Variants in SLC3A1 observed in about 807,000 individuals in gnomAD.
SLC3A1 encodes the protein solute carrier family 3 member 1, also known as amino acid transporter heavy chain SLC3A1.
A neutral mutation model predicts 60.3 loss-of-function variants in SLC3A1; 78 were observed. The ratio of observed to expected loss-of-function variants is 1.29; its 90% CI spans 1.08 to 1.56. The LOEUF is 1.56. Ranked by LOEUF, SLC3A1 falls within the 40% of genes most tolerant of loss-of-function variation. SLC3A1 has a pLI of 0.00. For missense variants in SLC3A1, 1,172 were observed against 858.9 expected (o/e 1.36, Z -4.56); for synonymous variants, 392 against 307.9 (o/e 1.27, Z -2.86).
chr2:44,322,004 T>C (rs182710656), downstream of SLC3A1: 15 of 1,213,278 alleles, frequency 1.2e-5, no homozygotes, highest in East Asian at 2.7e-4. Context: ...GTTCAAATAA[T>C]AGTAAAGGAA....
At chr2:44,292,731 G>T (rs1009494032) in intron 4 of SLC3A1, among the ~76,000 whole-genome samples, 1 of 152,054 alleles carries the variant, frequency 6.6e-6, no homozygotes, top group South Asian at 2.1e-4. Flanking sequence ...TGACACATTA[G>T]AGGTGCTGGG....
At chr2:44,299,496 A>G (rs1671948558) in intron 4 of SLC3A1, among the ~76,000 whole-genome samples, 1 of 152,146 alleles carries the variant, frequency 6.6e-6, no homozygotes, top group Admixed American at 6.5e-5. Flanking sequence ...GAGATCCTTT[A>G]ATATCTAAGC....
At position 44,275,923 on chromosome 2, in the gene SLC3A1, T is replaced by C; in HGVS notation, c.388T>C (p.Ser130Pro). The change falls in exon 1 of 10, where the codon TCT becomes CCT. Residue 130 changes from serine (S) to proline (P), a missense_variant. Coordinates refer to ENST00000260649, the MANE Select transcript of SLC3A1 (RefSeq NM_000341.4). ...EGPMYQIYPR[S>P]FKDSNKDGNG... Reference sequence around the variant, plus strand: ...GCCCATGTACCAGATCTACCCAAGGTCTTTCAAGGACAGTAACAAGGATGG... The same window carrying C: ...GCCCATGTACCAGATCTACCCAAGGCCTTTCAAGGACAGTAACAAGGATGG... 1.9e-6 allele frequency: 3 copies of C among 1,614,192 alleles called. No homozygotes were observed. Among genetic ancestry groups the C allele is most frequent in the Non-Finnish European group, 2.5e-6 (3 of 1,180,036 alleles).
chr2:44,307,305 T>G (rs1487908621), intron 7 of SLC3A1, among the ~76,000 whole-genome samples: 1 of 152,214 alleles, frequency 6.6e-6, no homozygotes, highest in Non-Finnish European at 1.5e-5. Context: ...GACATTTGTG[T>G]ACAAGTTTTT....
chr2:44,302,265 T>C (rs1672031714), intron 6 of SLC3A1, among the ~76,000 whole-genome samples: 1 of 152,102 alleles, frequency 6.6e-6, no homozygotes, highest in South Asian at 2.1e-4. Context: ...AGTTGTCTCA[T>C]CAATAAAAAA....
chr2:44,304,457 A>G (rs750025300), intron 7 of SLC3A1, 119 bp downstream of exon 7: 3 of 818,618 alleles, frequency 3.7e-6, no homozygotes, highest in Non-Finnish European at 6.2e-6. Flanking sequence ...TTATTTGGTG[A>G]TTGTTCAGTG....
At chr2:44,293,009 T>G (rs1671772816) in intron 4 of SLC3A1, among the ~76,000 whole-genome samples, 1 of 152,102 alleles carries the variant, frequency 6.6e-6, no homozygotes, top group African/African-American at 2.4e-5. Context: ...GAAATTCTGG[T>G]GGCTTTAGGC....
intron 7 of SLC3A1, among the ~76,000 whole-genome samples, chr2:44,305,664 G>T (rs1178780083): frequency 2.0e-5 from 3 of 151,918 alleles, no homozygotes; most frequent in Non-Finnish European, 4.4e-5. Flanking sequence ...CTGACCTCGT[G>T]ATCCACCCCC....
chr2:44,321,649 A>G (rs561499225), downstream of SLC3A1: 3 of 1,516,696 alleles, frequency 2.0e-6, no homozygotes, highest in East Asian at 2.4e-5. Flanking sequence ...TATCAAGTAC[A>G]AGAGAGAGAC....
At chr2:44,280,035 C>T (rs981733311) in intron 1 of SLC3A1, among the ~76,000 whole-genome samples, 15 of 152,086 alleles carry the variant, frequency 9.9e-5, no homozygotes, top group Admixed American at 2.6e-4. Context: ...ACCACATGAC[C>T]GACAGGGGCC....
At chr2:44,308,538 TTTTG>T in intron 7 of SLC3A1, among the ~76,000 whole-genome samples, 1 of 152,304 alleles carries the variant, frequency 6.6e-6, no homozygotes, top group East Asian at 1.9e-4. Flanking sequence ...GTCTTAGACT[TTTTG>T]TTCAGTTTAT....
intron 9 of SLC3A1, chr2:44,317,827 AAAT>A (rs1215577445): frequency 6.0e-6 from 1 of 167,786 alleles, no homozygotes; most frequent in Non-Finnish European, 1.3e-5. Flanking sequence ...AATTATGTCT[AAAT>A]AATACAATAA....
At chr2:44,298,331 TCTTA>T (rs900920637) in intron 4 of SLC3A1, among the ~76,000 whole-genome samples, 1 of 151,998 alleles carries the variant, frequency 6.6e-6, no homozygotes, top group African/African-American at 2.4e-5. Flanking sequence ...CTCCTCCTAC[TCTTA>T]CTTATGCTCC....
intron 3 of SLC3A1, chr2:44,285,645 C>T (rs573430586): frequency 2.3e-5 from 11 of 478,836 alleles, no homozygotes; most frequent in Non-Finnish European, 3.4e-5. Context: ...CCAAGATGAG[C>T]GGAATGTTTC....
chr2:44,290,683 CT>C (rs11377273), intron 4 of SLC3A1, among the ~76,000 whole-genome samples: 46 of 144,238 alleles, frequency 3.2e-4, no homozygotes, highest in Middle Eastern at 3.5e-3. Context: ...ATTTTTAAGA[CT>C]TTTTTTTTTT....
chr2:44,321,176 T>C lies in SLC3A1; in HGVS notation c.*537T>C. On this transcript the variant is annotated 3_prime_UTR_variant, in exon 10 of 10. Transcript: ENST00000260649. ...CTAGGTTAATGGGCATGTGCATCAA[T>C]GGAGAGAATAGTATAAGCAAGTGAG... 1.7e-6 allele frequency: 1 copy of C among 592,524 alleles called. No individual in the cohort carries two copies. Among genetic ancestry groups the C allele is most frequent in the Non-Finnish European group, 3.0e-6 (1 of 330,652 alleles). 36.7% of individuals were successfully genotyped at this position (592,524 alleles called of 1,614,324 possible). A position where few individuals can be genotyped will look rare whatever the true frequency, so the allele number is the denominator to read the frequency against.
chr2:44,320,579 C>A lies in SLC3A1; in HGVS notation c.1998C>A (p.Cys666Ter). Residue 666 changes from cysteine to a stop codon, truncating the protein, a stop_gained, in exon 10 of 10, where the codon TGC becomes TGA. Transcript: ENST00000260649. LOFTEE classifies it high-confidence loss of function. ...LHRQTAFRDR[C>*]FVSNRACYSS... ...GCCAAACAGCTTTCAGAGATAGATG[C>A]TTTGTTTCCAATCGAGCATGCTATT... 6.2e-7 allele frequency: 1 copy of A among 1,614,048 alleles called. No individual in the cohort carries two copies. Among genetic ancestry groups the A allele is most frequent in the Non-Finnish European group, 8.5e-7 (1 of 1,179,940 alleles).
At chr2:44,297,523 T>A (rs1671884505) in intron 4 of SLC3A1, among the ~76,000 whole-genome samples, 1 of 152,206 alleles carries the variant, frequency 6.6e-6, no homozygotes, top group Non-Finnish European at 1.5e-5. Context: ...TGAAATGTCT[T>A]GAAGCTCTTG....
chr2:44,321,787 G>C, downstream of SLC3A1: 1 of 1,613,756 alleles, frequency 6.2e-7, no homozygotes, highest in African/African-American at 1.3e-5. Context: ...CATGTATCTA[G>C]TTCGGGAATC....
Sources: allele counts gnomAD v4.1 joint callset (sites outside exome capture counted in the v4.1 genomes callset), GRCh38; gene constraint gnomAD v4.1.1; transcripts MANE v1.5; gene names NCBI Gene and HGNC (gene_info 2026-07-23, HGNC 2026-07-21).